The following GPHN variants were observed in gnomAD, a reference collection of about 807,000 sequenced individuals.
The protein encoded by GPHN is gephyrin.
GPHN carries 17 observed loss-of-function variants against 95.5 expected under a neutral mutation model. The observed-to-expected ratio is 0.18, with a 90% CI of 0.12 to 0.27. The LOEUF is 0.27. Ranked by LOEUF, GPHN falls within the 10% of genes least tolerant of loss-of-function variation. The pLI, the probability that GPHN is intolerant of heterozygous loss-of-function variation, is 1.00. For missense variants in GPHN, 660 were observed against 978.1 expected, an observed-to-expected ratio of 0.67 and a Z score of 4.34; for synonymous variants, 320 against 322.5, an observed-to-expected ratio of 0.99 and a Z score of 0.08.
the GPHN span, among the ~76,000 whole-genome samples, chr14:67,679,969 T>TAG: frequency 3.3e-5 from 5 of 152,216 alleles, no homozygotes; most frequent in African/African-American, 1.2e-4. Flanking sequence ...TAACTATATA[T>TAG]GCAAACTCTT....
intron 3 of GPHN, among the ~76,000 whole-genome samples, chr14:66,802,992 G>C (rs1289942756): frequency 6.6e-6 from 1 of 152,106 alleles, no homozygotes; most frequent in Non-Finnish European, 1.5e-5. Flanking sequence ...CCAGTCCACT[G>C]TCAGTGGACC....
At chr14:66,782,661 T>C (rs530880984) in intron 3 of GPHN, among the ~76,000 whole-genome samples, 126 of 152,020 alleles carry the variant, frequency 8.3e-4, no homozygotes, top group African/African-American at 3.0e-3. Flanking sequence ...CTACTAAAAA[T>C]ACAAAAATAA....
chr14:67,621,733 C>T, the GPHN span, among the ~76,000 whole-genome samples: 2 of 151,848 alleles, frequency 1.3e-5, no homozygotes, highest in African/African-American at 4.8e-5. Context: ...GTGTGAGCCA[C>T]TGTGCCCAGC....
intron 10 of GPHN, among the ~76,000 whole-genome samples, chr14:67,042,531 A>G (rs1283066168): frequency 1.3e-5 from 2 of 152,168 alleles, no homozygotes; most frequent in Non-Finnish European, 2.9e-5. Context: ...CAAACATCAC[A>G]TGGTTGTAGA....
chr14:67,069,875 G>T (rs940230864), intron 11 of GPHN, among the ~76,000 whole-genome samples: 2 of 152,126 alleles, frequency 1.3e-5, no homozygotes, highest in Non-Finnish European at 2.9e-5. Context: ...TGATTGAGCT[G>T]TACAAAATTG....
the GPHN span, among the ~76,000 whole-genome samples, chr14:67,210,286 T>C: frequency 2.0e-5 from 3 of 152,088 alleles, no homozygotes; most frequent in Non-Finnish European, 4.4e-5. Context: ...ATGGGCAGAA[T>C]TTCAATGAAA....
chr14:67,352,973 A>AT, the GPHN span: 3 of 1,613,994 alleles, frequency 1.9e-6, no homozygotes, highest in East Asian at 2.2e-5. Context: ...AAGGCATCAG[A>AT]TTTTTTCTTC....
At chr14:67,620,898 G>T in the GPHN span, 1 of 1,614,140 alleles carries the variant, frequency 6.2e-7, no homozygotes, top group Non-Finnish European at 8.5e-7. Context: ...TGACAGAAAA[G>T]AAAAGGAGTG....
At chr14:67,429,270 G>T in the GPHN span, among the ~76,000 whole-genome samples, 1 of 147,538 alleles carries the variant, frequency 6.8e-6, no homozygotes, top group Non-Finnish European at 1.5e-5. Context: ...TCACACTGTC[G>T]CCCAGGCTGG....
chr14:67,457,042 C>T, the GPHN span, among the ~76,000 whole-genome samples: 1 of 152,184 alleles, frequency 6.6e-6, no homozygotes, highest in Non-Finnish European at 1.5e-5. Flanking sequence ...AAAGCAAATA[C>T]AGCATCTTCT....
the GPHN span, chr14:67,241,623 T>G: frequency 6.6e-6 from 1 of 151,120 alleles, no homozygotes; most frequent in Admixed American, 6.6e-5. Context: ...GCGGCCGGGC[T>G]CCCCTTCCCC....
At chr14:67,263,842 A>G in the GPHN span, among the ~76,000 whole-genome samples, 2 of 144,228 alleles carry the variant, frequency 1.4e-5, no homozygotes, top group Non-Finnish European at 2.9e-5. Flanking sequence ...TTACTCAACC[A>G]TTTAAATAAT....
At chr14:66,908,391 A>G (rs1037700962) in intron 5 of GPHN, among the ~76,000 whole-genome samples, 1 of 152,168 alleles carries the variant, frequency 6.6e-6, no homozygotes, top group Non-Finnish European at 1.5e-5. Flanking sequence ...ATAAGCAACA[A>G]GCAGTATCTT....
intron 3 of GPHN, among the ~76,000 whole-genome samples, chr14:66,810,242 T>A (rs1485440248): frequency 6.6e-6 from 1 of 151,956 alleles, no homozygotes; most frequent in Admixed American, 6.6e-5. Flanking sequence ...TACCAGTATT[T>A]CTTTACTACT....
the GPHN span, chr14:67,392,587 C>T: frequency 1.5e-6 from 2 of 1,378,202 alleles, no homozygotes; most frequent in Middle Eastern, 1.8e-4. Flanking sequence ...ATGACTGTGG[C>T]CCCCAGGCCC....
chr14:66,735,797 GT>G, intron 2 of GPHN, among the ~76,000 whole-genome samples: 1 of 152,202 alleles, frequency 6.6e-6, no homozygotes, highest in South Asian at 2.1e-4. Context: ...AGAAATTTAT[GT>G]TTATGATAAG....
chr14:67,507,486 T>C, the GPHN span, among the ~76,000 whole-genome samples: 179 of 152,198 alleles, frequency 1.2e-3, 2 homozygotes, highest in East Asian at 0.031. Flanking sequence ...TCTCGGTCTT[T>C]TGTCCAAGCT....
At chr14:67,652,153 C>T in the GPHN span, 1 of 152,246 alleles carries the variant, frequency 6.6e-6, no homozygotes, top group African/African-American at 2.4e-5. Context: ...CTCTTACCCC[C>T]AACTTCAACC....
intron 17 of GPHN, among the ~76,000 whole-genome samples, chr14:67,125,767 ACT>A (rs2079273581): frequency 6.7e-6 from 1 of 149,094 alleles, no homozygotes; most frequent in African/African-American, 2.5e-5. Context: ...ACAGAGCGAG[ACT>A]CTGTCTCAAA....
Sources: gnomAD v4.1 joint callset for allele counts (sites outside exome capture counted in the v4.1 genomes callset) on GRCh38, gnomAD v4.1.1 for gene constraint, MANE v1.5 for transcripts, NCBI Gene and HGNC (gene_info 2026-07-23, HGNC 2026-07-21) for gene names.